LYPLA1: variants seen among roughly 807,000 people sequenced by gnomAD.
LYPLA1 encodes lysophospholipase 1.
Under a neutral mutation model 34.0 loss-of-function variants are expected in LYPLA1, and 17 were observed. That is an observed-to-expected ratio of 0.50 (90% CI 0.34 to 0.75). The LOEUF is 0.75. LYPLA1 is among the 30% of genes least tolerant of loss of function. LYPLA1 has a pLI of 0.01. For missense variants in LYPLA1, 203 were observed against 288.8 expected, an observed-to-expected ratio of 0.70 and a Z score of 2.15; for synonymous variants, 98 against 100.8, an observed-to-expected ratio of 0.97 and a Z score of 0.17.
chr8:54,095,580 A>C (rs1809621733), intron 2 of LYPLA1, among the ~76,000 whole-genome samples: 1 of 152,198 alleles, frequency 6.6e-6, no homozygotes, highest in Non-Finnish European at 1.5e-5. Flanking sequence ...CATCTTAACC[A>C]AGTGATAAAA....
chr8:54,096,389 G>A (rs1483607254), intron 2 of LYPLA1, among the ~76,000 whole-genome samples: 1 of 152,124 alleles, frequency 6.6e-6, no homozygotes, highest in African/African-American at 2.4e-5. Context: ...AATCACTTGA[G>A]GTCAGGAGTT....
intron 2 of LYPLA1, among the ~76,000 whole-genome samples, chr8:54,082,861 G>C (rs763380163): frequency 1.4e-4 from 22 of 151,864 alleles, no homozygotes; most frequent in Non-Finnish European, 2.5e-4. Context: ...CAAGTAGCTG[G>C]GACTACAGGT....
intron 2 of LYPLA1, among the ~76,000 whole-genome samples, chr8:54,074,393 A>AT (rs1807733970): frequency 1.3e-5 from 2 of 152,240 alleles, no homozygotes; most frequent in African/African-American, 4.8e-5. Context: ...TACGTGGTTC[A>AT]TTCCACACAG....
intron 2 of LYPLA1, among the ~76,000 whole-genome samples, chr8:54,089,512 G>A (rs1234683095): frequency 7.2e-6 from 1 of 138,992 alleles, no homozygotes; most frequent in East Asian, 2.7e-4. Flanking sequence ...CGGGATCTTT[G>A]AACATATGTG....
downstream of LYPLA1, among the ~76,000 whole-genome samples, chr8:54,043,830 G>A (rs566875583): frequency 6.6e-6 from 1 of 152,180 alleles, no homozygotes; most frequent in Admixed American, 6.5e-5. Context: ...CAAAGTGCTG[G>A]GATTGCAGGT....
At chr8:54,091,669 T>G (rs1809293039) in intron 2 of LYPLA1, among the ~76,000 whole-genome samples, 1 of 152,074 alleles carries the variant, frequency 6.6e-6, no homozygotes, top group Non-Finnish European at 1.5e-5. Flanking sequence ...AATAGGAATC[T>G]TGGGTTCTAG....
At chr8:54,050,937 AAT>A in intron 8 of LYPLA1, 73 bp downstream of exon 8, 1 of 1,444,754 alleles carries the variant, frequency 6.9e-7, no homozygotes, top group Non-Finnish European at 9.4e-7. Flanking sequence ...CAAGCATTCA[AAT>A]GTTACTTTTC....
chr8:54,075,818 TAAG>T (rs1052276394), intron 2 of LYPLA1, among the ~76,000 whole-genome samples: 2 of 152,158 alleles, frequency 1.3e-5, no homozygotes, highest in African/African-American at 2.4e-5. Flanking sequence ...AACCTATTTC[TAAG>T]AAGGACTGGA....
chr8:54,048,241 TTAAA>T (rs1805606701), intron 8 of LYPLA1, 123 bp from the exon 9 acceptor site: 11 of 630,318 alleles, frequency 1.7e-5, no homozygotes, highest in Middle Eastern at 2.5e-4. Context: ...TTTACTACAA[TTAAA>T]TAAGACAAAA....
At chr8:54,043,765 T>C (rs1360533815), downstream of LYPLA1, among the ~76,000 whole-genome samples, 1 of 152,082 alleles carries the variant, frequency 6.6e-6, no homozygotes, top group African/African-American at 2.4e-5. Flanking sequence ...TTCACCACCT[T>C]GGTTAGGCTG....
intron 2 of LYPLA1, among the ~76,000 whole-genome samples, chr8:54,084,141 A>AAAAAAAAAAAAAAAT (rs1554547936): frequency 8.4e-6 from 1 of 118,644 alleles, no homozygotes; most frequent in African/African-American, 4.6e-5. Flanking sequence ...AAAATAAATA[A>AAAAAAAAAAAAAAAT]ATATATATAT....
At chr8:54,063,879 C>A (rs565337618) in intron 3 of LYPLA1, among the ~76,000 whole-genome samples, 3 of 152,226 alleles carry the variant, frequency 2.0e-5, no homozygotes, top group Admixed American at 6.5e-5. Context: ...TCCATTATAG[C>A]CAATTCAAGT....
At chr8:54,091,794 A>G (rs1809301402) in intron 2 of LYPLA1, among the ~76,000 whole-genome samples, 1 of 152,112 alleles carries the variant, frequency 6.6e-6, no homozygotes, top group Non-Finnish European at 1.5e-5. Context: ...AACTTGTTAG[A>G]AATGCAAATT....
At chr8:54,101,664 G>A (rs1374658902) in intron 1 of LYPLA1, 91 bp downstream of exon 1, 3 of 1,171,040 alleles carry the variant, frequency 2.6e-6, no homozygotes, top group Admixed American at 9.0e-5. Context: ...TCCGCAGGCC[G>A]CCACGCGCCC....
chr8:54,077,547 G>A (rs1807997647), intron 2 of LYPLA1, among the ~76,000 whole-genome samples: 1 of 152,194 alleles, frequency 6.6e-6, no homozygotes, highest in Non-Finnish European at 1.5e-5. Flanking sequence ...TGTAATCCCA[G>A]CACTTTGGGA....
At chr8:54,049,990 C>A (rs1184286277) in intron 8 of LYPLA1, among the ~76,000 whole-genome samples, 1 of 152,206 alleles carries the variant, frequency 6.6e-6, no homozygotes, top group Admixed American at 6.5e-5. Context: ...CACCCATACT[C>A]TCAACACCTA....
chr8:54,075,938 G>A (rs1469301283), intron 2 of LYPLA1, among the ~76,000 whole-genome samples: 1 of 152,202 alleles, frequency 6.6e-6, no homozygotes, highest in African/African-American at 2.4e-5. Flanking sequence ...GGTCCCCTAA[G>A]GGGATGTTTA....
intron 2 of LYPLA1, among the ~76,000 whole-genome samples, chr8:54,067,832 C>T (rs999130375): frequency 4.6e-5 from 7 of 151,460 alleles, no homozygotes; most frequent in African/African-American, 7.3e-5. Context: ...AGTAGGCGCC[C>T]GCCACCACAC....
chr8:54,063,668 C>T (rs1034907715), intron 3 of LYPLA1, among the ~76,000 whole-genome samples: 2 of 152,126 alleles, frequency 1.3e-5, no homozygotes, highest in African/African-American at 4.8e-5. Flanking sequence ...GAAGAGAAAC[C>T]AGAAACCAAG....
Sources: gnomAD v4.1 joint callset for allele counts (sites outside exome capture counted in the v4.1 genomes callset) on GRCh38, gnomAD v4.1.1 for gene constraint, MANE v1.5 for transcripts, NCBI Gene and HGNC (gene_info 2026-07-23, HGNC 2026-07-21) for gene names.